Variants in XYLT2 observed in about 807,000 individuals in gnomAD.
XYLT2 encodes UDP-D-xylose:proteoglycan core protein beta-D-xylosyltransferase.
Under a neutral mutation model 82.6 loss-of-function variants are expected in XYLT2, and 37 were observed. The ratio of observed to expected loss-of-function variants is 0.45; its 90% CI spans 0.34 to 0.59. The LOEUF is 0.59. XYLT2 is among the 20% of genes least tolerant of loss of function. The pLI, the probability that XYLT2 is intolerant of heterozygous loss-of-function variation, is 0.01. For missense variants in XYLT2, 934 were observed against 1,181.3 expected (o/e 0.79, Z 3.07); for synonymous variants, 474 against 499.0 (o/e 0.95, Z 0.67).
intron 5 of XYLT2, 23 bp from the exon 6 acceptor site, chr17:50,355,758 C>T (rs1912494151): frequency 6.2e-7 from 1 of 1,613,278 alleles, no homozygotes; most frequent in African/African-American, 1.3e-5. Context: ...GATCCCCAGC[C>T]ATGGCCTCTC....
rs762579019 is a variant in XYLT2 at position 50,353,961 on chromosome 17, A to G, written c.467A>G (p.Asn156Ser). 2 of 1,606,714 alleles carry G rather than the reference A, an allele frequency of 1.2e-6. No individual in the cohort carries two copies. Among genetic ancestry groups the G allele is most frequent in the Non-Finnish European group, 1.7e-6 (2 of 1,179,886 alleles). ...GAGGGCGCCCCCCAGCCCACGGACA[A>G]TGGCTTCACCCCCAAGTGCGAGATC... ...SVEGAPQPTDNGFTPKCEIVG... is the reference protein window; with the variant it reads ...SVEGAPQPTDSGFTPKCEIVG... Residue 156 changes from asparagine to serine, a missense_variant, in exon 2 of 11, where the codon AAT becomes AGT. By Grantham distance (46) the Asn-to-Ser change is conservative. This residue lies in a region of XYLT2 where 371 missense variants were observed against 394.9 expected (regional missense o/e 0.94). Coordinates refer to ENST00000017003, the MANE Select transcript of XYLT2 (RefSeq NM_022167.4).
intron 1 of XYLT2, among the ~76,000 whole-genome samples, chr17:50,351,865 T>C (rs1220957460): frequency 1.3e-5 from 2 of 152,066 alleles, no homozygotes; most frequent in African/African-American, 4.8e-5. Flanking sequence ...GAGAGGTCAA[T>C]CTGAGATTTG....
At position 50,346,148 on chromosome 17, in the gene XYLT2, C is replaced by G; in HGVS notation, c.8C>G (p.Ala3Gly). ...CGCGTCCCGGGCAGGAAGATGGTGG[C>G]GAGCGCGCGAGTGCAGAAGCTGGTG... MV[A>G]SARVQKLVRR... Residue 3 changes from alanine to glycine, a missense_variant, in exon 1 of 11, where the codon GCG becomes GGG. Coordinates refer to ENST00000017003, the MANE Select transcript of XYLT2 (RefSeq NM_022167.4). This position sits in a 1 kb window ranked among gnomAD's most constrained non-coding sequence, Gnocchi z 5.1. The G allele has an allele frequency of 8.0e-7, 1 of 1,257,432 alleles. No homozygotes were observed. Among genetic ancestry groups the G allele is most frequent in the African/African-American group, 1.6e-5 (1 of 62,596 alleles). 77.9% of individuals were successfully genotyped at this position (1,257,432 alleles called of 1,614,324 possible).
In XYLT2 at chr17:50,361,069, C is replaced by T; in HGVS notation, c.*778C>T. On this transcript the variant is annotated 3_prime_UTR_variant, in exon 11 of 11. Transcript: ENST00000017003. ...GGGAAGAAGACTCTGTCAAGACTCT[C>T]AGAAGAACCTGGAGTAATTGTGCCT... 2 of 985,928 alleles carry T rather than the reference C, an allele frequency of 2.0e-6. No homozygotes were observed. The highest frequency in any genetic ancestry group is 2.4e-6 in the Non-Finnish European group (2 of 829,972). 61.1% of individuals were successfully genotyped at this position (985,928 alleles called of 1,614,324 possible).
chr17:50,356,141 C>G lies in XYLT2; in HGVS notation c.1362C>G (p.Asn454Lys). ...NSLACETLVD[N>K]NLRVTNWNRK... ...TGGCCTGTGAGACCCTCGTGGACAA[C>G]AACCTGCGGGTCACCAACTGGAACC... The change falls in exon 7 of 11, where the codon AAC becomes AAG. Residue 454 changes from asparagine (N) to lysine (K), a missense_variant. Asn to Lys is a moderately conservative substitution (Grantham distance 94). Coordinates refer to ENST00000017003, the MANE Select transcript of XYLT2 (RefSeq NM_022167.4). 1 of 1,614,252 alleles carries G rather than the reference C, an allele frequency of 6.2e-7. No individual in the cohort carries two copies. The highest frequency in any genetic ancestry group is 8.5e-7 in the Non-Finnish European group (1 of 1,180,040).
chr17:50,347,916 C>A (rs1455975184), intron 1 of XYLT2, among the ~76,000 whole-genome samples: 1 of 152,234 alleles, frequency 6.6e-6, no homozygotes, highest in Non-Finnish European at 1.5e-5. Flanking sequence ...ACTTTGCCTC[C>A]TCCCTTATCC....
At position 50,346,578 on chromosome 17, in the gene XYLT2, C is replaced by T. The variant is rs557383285; in HGVS notation, c.135+303C>T. The T allele has an allele frequency of 2.0e-6, 2 of 979,252 alleles. No individual in the cohort carries two copies. The highest frequency in any genetic ancestry group is 9.5e-5 in the South Asian group (2 of 21,148). The allele number at this position is 979,252 out of a possible 1,614,324, so 60.7% of individuals were successfully genotyped here. A position where few individuals can be genotyped will look rare whatever the true frequency, so the allele number is the denominator to read the frequency against. Reference sequence around the variant, plus strand: ...CCAAGGGAGCGATGAAGGTCAGGCGCGGCGAGCGGGGCTGGGAGGCGGGGC... The same window carrying T: ...CCAAGGGAGCGATGAAGGTCAGGCGTGGCGAGCGGGGCTGGGAGGCGGGGC... On this transcript the variant is annotated intron_variant, in intron 1 of 10. Coordinates refer to ENST00000017003, the MANE Select transcript of XYLT2 (RefSeq NM_022167.4). This position sits in a 1 kb window ranked among gnomAD's most constrained non-coding sequence, Gnocchi z 5.1.
At position 50,360,475 on chromosome 17, in the gene XYLT2, G is replaced by A; in HGVS notation, c.*184G>A. On this transcript the variant is annotated 3_prime_UTR_variant, in exon 11 of 11. Coordinates refer to ENST00000017003, the MANE Select transcript of XYLT2 (RefSeq NM_022167.4). ...GAACTACTGCTGATGTCTCTGTTGG[G>A]GATCAGAGGGCTGGCGGGAACGCGA... The A allele has an allele frequency of 7.5e-7, 1 of 1,330,674 alleles. No homozygotes were observed. The highest frequency in any genetic ancestry group is 9.6e-7 in the Non-Finnish European group (1 of 1,044,056). 82.4% of individuals were successfully genotyped at this position (1,330,674 alleles called of 1,614,324 possible).
rs1233732789 is a variant in XYLT2, at chr17:50,360,717, T to C, written c.*426T>C. ...AGGGGCTTGCTGAGCCCACCTGCTA[T>C]TGTTCTGCACGAGGCTGGGCCTGCC... On this transcript the variant is annotated 3_prime_UTR_variant, in exon 11 of 11. Transcript: ENST00000017003. 6.1e-6 allele frequency: 6 copies of C among 991,464 alleles called. No individual in the cohort carries two copies. The highest frequency in any genetic ancestry group is 7.2e-6 in the Non-Finnish European group (6 of 834,116). 61.4% of individuals were successfully genotyped at this position (991,464 alleles called of 1,614,324 possible). A position where few individuals can be genotyped will look rare whatever the true frequency, so the allele number is the denominator to read the frequency against.
intron 1 of XYLT2, among the ~76,000 whole-genome samples, chr17:50,351,419 G>T (rs548471217): frequency 2.6e-5 from 4 of 152,096 alleles, no homozygotes; most frequent in Non-Finnish European, 4.4e-5. Context: ...GGTGGATCAC[G>T]AGGTCAGGAG....
rs1174572219 is a variant in XYLT2 at position 50,356,258 on chromosome 17, G to A, written c.1479G>A (p.Leu493=). 3 of 1,612,748 alleles carry A rather than the reference G, an allele frequency of 1.9e-6. No individual in the cohort carries two copies. The highest frequency in any genetic ancestry group is 2.5e-6 in the Non-Finnish European group (3 of 1,178,940). The change falls in exon 7 of 11, where the codon CTG becomes CTA. Residue 493 remains leucine (L), a synonymous_variant. Transcript: ENST00000017003. ...TCAAGCCACAGGACTTCCTCCGGCT[G>A]CAGGTGCTTGCCCGAGGCCCCAAGG... ...NDFKPQDFLR[L]QQVSRPTFFA... is the part of the protein sequence containing the mutation.
rs1912720117 is a variant in XYLT2 at position 50,359,782 on chromosome 17, C to T, written c.2276-187C>T. On this transcript the variant is annotated intron_variant, in intron 10 of 10. Coordinates refer to ENST00000017003, the MANE Select transcript of XYLT2 (RefSeq NM_022167.4). ...AAGTTGGGAATCTAAGGCTTACTGC[C>T]TTGATTTTATAAAACTCAGTTTTAT... 5.0e-6 allele frequency: 3 copies of T among 604,964 alleles called. No homozygotes were observed. The East Asian group carries it at 8.4e-5, about 17-fold the overall frequency. 37.5% of individuals were successfully genotyped at this position (604,964 alleles called of 1,614,324 possible). A position where few individuals can be genotyped will look rare whatever the true frequency, so the allele number is the denominator to read the frequency against.
chr17:50,359,618 C>T, intron 10 of XYLT2: 1 of 241,638 alleles, frequency 4.1e-6, no homozygotes, highest in South Asian at 9.3e-5. Context: ...ATTGTCTGTG[C>T]ATGAAGAGCT....
chr17:50,358,149 A>G (rs1912629544), intron 9 of XYLT2, 58 bp from the exon 10 acceptor site: 2 of 1,451,748 alleles, frequency 1.4e-6, no homozygotes, highest in South Asian at 1.4e-5. Context: ...AGGCAGCTTC[A>G]GAGGAGGGAG....
chr17:50,355,175 G>C lies in XYLT2; in HGVS notation c.1007+119G>C. On this transcript the variant is annotated intron_variant, in intron 4 of 10. Transcript: ENST00000017003. ...TAAGCGTAACTCTGGGATCCGCCCTGCTCAGACATGGGCCCCTGGGCCCCA... is the reference window on the plus strand; with the variant it reads ...TAAGCGTAACTCTGGGATCCGCCCTCCTCAGACATGGGCCCCTGGGCCCCA... The C allele has an allele frequency of 5.3e-6, 6 of 1,138,942 alleles. No homozygotes were observed. The South Asian group carries it at 9.2e-5, about 18-fold the overall frequency. 70.6% of individuals were successfully genotyped at this position (1,138,942 alleles called of 1,614,324 possible).
chr17:50,354,711 T>C (rs1362175229), intron 3 of XYLT2, 128 bp downstream of exon 3: 14 of 1,516,992 alleles, frequency 9.2e-6, no homozygotes, highest in Non-Finnish European at 1.2e-5. Context: ...AACAGGGGAG[T>C]GGCAGCACGA....
chr17:50,346,765 C>T lies in XYLT2; in HGVS notation c.135+490C>T. The T allele has an allele frequency of 1.0e-6, 1 of 985,292 alleles. No individual in the cohort carries two copies. The highest frequency in any genetic ancestry group is 6.1e-5 in the Admixed American group (1 of 16,278). The allele number at this position is 985,292 out of a possible 1,614,324, so 61.0% of individuals were successfully genotyped here. A position where few individuals can be genotyped will look rare whatever the true frequency, so the allele number is the denominator to read the frequency against. On this transcript the variant is annotated intron_variant, in intron 1 of 10. Transcript: ENST00000017003. The surrounding 1 kb of genome is among the most constrained non-coding windows in gnomAD (Gnocchi z 5.1). ...GGCAGCGGCCGGTGAGGAAGGGGAGCTCGGGGGTGGAATTCAGGCCTGGGA... is the reference window on the plus strand; with the variant it reads ...GGCAGCGGCCGGTGAGGAAGGGGAGTTCGGGGGTGGAATTCAGGCCTGGGA...
At chr17:50,354,766 C>A in intron 3 of XYLT2, 88 bp from the exon 4 acceptor site, 1 of 1,582,986 alleles carries the variant, frequency 6.3e-7, no homozygotes, top group Non-Finnish European at 8.6e-7. Context: ...CTGTGCTTTC[C>A]TCGTCTTGTG....
chr17:50,357,526 C>T lies in XYLT2; in HGVS notation c.1941+274C>T, dbSNP rs1598352535. 4 of 386,068 alleles carry T rather than the reference C, an allele frequency of 1.0e-5. No homozygotes were observed. In the East Asian group the frequency reaches 1.3e-4, roughly 12 times the overall value. The allele number at this position is 386,068 out of a possible 1,614,324, so 23.9% of individuals were successfully genotyped here. A position where few individuals can be genotyped will look rare whatever the true frequency, so the allele number is the denominator to read the frequency against. On this transcript the variant is annotated intron_variant, in intron 9 of 10. Transcript: ENST00000017003. Reference sequence around the variant, plus strand: ...CCAATCTTCCAGACTACAGAGATTTCGCCTAGAGGGGCAGGGACATTCGAG... The same window carrying T: ...CCAATCTTCCAGACTACAGAGATTTTGCCTAGAGGGGCAGGGACATTCGAG...
Sources: gnomAD v4.1 joint callset for allele counts (sites outside exome capture counted in the v4.1 genomes callset) on GRCh38, gnomAD v4.1.1 for gene constraint, gnomAD v4.1.1 regional missense constraint, Gnocchi (gnomAD v3.1) non-coding constraint, MANE v1.5 for transcripts, NCBI Gene and HGNC (gene_info 2026-07-23, HGNC 2026-07-21) for gene names.